Variants in LRRK2 observed in about 807,000 individuals in gnomAD.
LRRK2 encodes the protein leucine rich repeat kinase 2, also known as leucine-rich repeat serine/threonine-protein kinase 2.
A neutral mutation model predicts 302.6 loss-of-function variants in LRRK2; 203 were observed. The ratio of observed to expected loss-of-function variants is 0.67; its 90% CI spans 0.60 to 0.75. The LOEUF (loss-of-function observed/expected upper bound fraction) is 0.75. Ranked by LOEUF, LRRK2 falls within the 30% of genes least tolerant of loss-of-function variation. The pLI, the probability that LRRK2 is intolerant of heterozygous loss-of-function variation, is 0.00. For missense variants in LRRK2, 2,830 were observed against 2,951.0 expected, an observed-to-expected ratio of 0.96 and a Z score of 0.95; for synonymous variants, 1,066 against 1,031.9, an observed-to-expected ratio of 1.03 and a Z score of -0.63.
intron 2 of LRRK2, among the ~76,000 whole-genome samples, chr12:40,230,668 CTTTT>C (rs3057613): frequency 2.2e-5 from 3 of 135,296 alleles, no homozygotes; most frequent in Admixed American, 7.4e-5. Flanking sequence ...TGCACTTTCT[CTTTT>C]TTTTTTTTTT....
intron 7 of LRRK2, among the ~76,000 whole-genome samples, chr12:40,245,627 A>G (rs1941946260): frequency 6.6e-6 from 1 of 152,154 alleles, no homozygotes; most frequent in African/African-American, 2.4e-5. Context: ...AAATATGTGG[A>G]TCATTTTAAG....
In LRRK2 at chr12:40,310,437, G is replaced by A. The variant is rs281865048; in HGVS notation, c.4324G>A (p.Ala1442Thr). 5 of 1,612,942 alleles carry A rather than the reference G, an allele frequency of 3.1e-6. No homozygotes were observed. The highest frequency in any genetic ancestry group is 4.2e-6 in the Non-Finnish European group (5 of 1,179,690). Residue 1442 changes from alanine (A) to threonine (T), a missense_variant, in exon 31 of 51, where the codon GCT (alanine) becomes ACT (threonine). This residue lies in a region of LRRK2 where 2,121 missense variants were observed against 2,148.0 expected (regional missense o/e 0.99). Transcript: ENST00000298910. Reference sequence around the variant, plus strand: ...TTTGTGTCTTTCCCTCCAGGCTCGCGCTTCTTCTTCCCCTGTGATTCTCGT... The same window carrying A: ...TTTGTGTCTTTCCCTCCAGGCTCGCACTTCTTCTTCCCCTGTGATTCTCGT... ...KPWLFNIKARASSSPVILVGT... is the reference protein window; with the variant it reads ...KPWLFNIKARTSSSPVILVGT...
At chr12:40,338,176 A>G (rs1945932331) in intron 40 of LRRK2, among the ~76,000 whole-genome samples, 1 of 152,140 alleles carries the variant, frequency 6.6e-6, no homozygotes, top group African/African-American at 2.4e-5. Flanking sequence ...CTTCCCTAGC[A>G]CGTGGTACTT....
chr12:40,274,380 C>G (rs1387382170), intron 14 of LRRK2, among the ~76,000 whole-genome samples: 1 of 152,114 alleles, frequency 6.6e-6, no homozygotes, highest in Non-Finnish European at 1.5e-5. Flanking sequence ...ATGCCTGGCA[C>G]AGAACAAGCT....
chr12:40,293,484 T>A, intron 20 of LRRK2, 61 bp from the exon 21 acceptor site: 4 of 1,028,120 alleles, frequency 3.9e-6, no homozygotes, highest in South Asian at 1.3e-5. Context: ...GATAGAAGGA[T>A]CTTATGATTG....
chr12:40,311,794 G>A (rs938022015), intron 31 of LRRK2, among the ~76,000 whole-genome samples: 1 of 152,074 alleles, frequency 6.6e-6, no homozygotes, highest in Non-Finnish European at 1.5e-5. Flanking sequence ...ATTTATTACA[G>A]TTATTAAAAG....
At chr12:40,261,201 T>C (rs1942758389) in intron 13 of LRRK2, among the ~76,000 whole-genome samples, 1 of 152,166 alleles carries the variant, frequency 6.6e-6, no homozygotes, top group East Asian at 1.9e-4. Flanking sequence ...TTTTAGATTG[T>C]AATTAAAAAC....
chr12:40,325,690 T>TA (rs1172219974), intron 38 of LRRK2, among the ~76,000 whole-genome samples: 1 of 152,224 alleles, frequency 6.6e-6, no homozygotes, highest in African/African-American at 2.4e-5. Context: ...CCAGCATCTT[T>TA]ATATTAGAGT....
intron 46 of LRRK2, 82 bp from the exon 47 acceptor site, chr12:40,359,178 T>C: frequency 8.0e-7 from 1 of 1,248,182 alleles, no homozygotes; most frequent in Non-Finnish European, 1.1e-6. Context: ...GGAAAGTAGT[T>C]TTTTGAAAGC....
intron 3 of LRRK2, 115 bp from the exon 4 acceptor site, chr12:40,235,511 C>T (rs1349977074): frequency 1.4e-6 from 1 of 716,650 alleles, no homozygotes; most frequent in Non-Finnish European, 2.5e-6. Flanking sequence ...AGCTTCACTA[C>T]AGGGAATTAA....
chr12:40,361,125 G>A (rs1946692425), intron 47 of LRRK2, among the ~76,000 whole-genome samples: 1 of 151,882 alleles, frequency 6.6e-6, no homozygotes, highest in African/African-American at 2.4e-5. Flanking sequence ...CCTGGGATGG[G>A]GATCAGATTT....
intron 14 of LRRK2, among the ~76,000 whole-genome samples, chr12:40,265,213 T>C (rs1015246631): frequency 6.6e-5 from 10 of 152,106 alleles, no homozygotes; most frequent in Non-Finnish European, 7.4e-5. Context: ...TTGTTGAAAA[T>C]AAGTATATGG....
At position 40,367,861 on chromosome 12, in the gene LRRK2, T is replaced by C. The variant is rs66737902; in HGVS notation, c.*96T>C. 0.13 allele frequency: 163,199 copies of C among 1,220,566 alleles called. 11,806 individuals are homozygous for C. Among genetic ancestry groups the C allele is most frequent in the South Asian group, 0.2 (12,609 of 63,846 alleles). The allele number at this position is 1,220,566 out of a possible 1,614,324, so 75.6% of individuals were successfully genotyped here. On this transcript the variant is annotated 3_prime_UTR_variant, in exon 51 of 51. Coordinates refer to ENST00000298910, the MANE Select transcript of LRRK2 (RefSeq NM_198578.4). ...TTCACATGGAAAGGGTACTCACATTTTTTGAAATAGCTCGTGTGTATGAAG... is the reference window on the plus strand; with the variant it reads ...TTCACATGGAAAGGGTACTCACATTCTTTGAAATAGCTCGTGTGTATGAAG...
intron 40 of LRRK2, among the ~76,000 whole-genome samples, chr12:40,336,328 G>A (rs761840602): frequency 2.0e-5 from 3 of 152,162 alleles, no homozygotes; most frequent in Non-Finnish European, 4.4e-5. Flanking sequence ...TGTCCGCAAC[G>A]ACCCTTTGTC....
At position 40,340,327 on chromosome 12, in the gene LRRK2, C is replaced by T. The variant is rs1329710738; in HGVS notation, c.5982C>T (p.Asp1994=). The T allele has an allele frequency of 8.1e-6, 13 of 1,613,712 alleles. No individual in the cohort carries two copies. The East Asian group carries it at 1.6e-4, about 19-fold the overall frequency. Residue 1994 remains aspartate, a synonymous_variant, in exon 41 of 51, where the codon GAC becomes GAT. Transcript: ENST00000298910. ...ACTCAGCCATGATTATATACCGAGA[C>T]CTGAAACCCCACAATGTGCTGCTTT... is the stretch of plus-strand genomic sequence containing the variant. ...YLHSAMIIYR[D]LKPHNVLLFT... is the part of the protein sequence containing the mutation.
chr12:40,359,016 A>G (rs1415654346), intron 46 of LRRK2, among the ~76,000 whole-genome samples: 2 of 60,862 alleles, frequency 3.3e-5, no homozygotes, highest in Admixed American at 3.0e-4. Context: ...TTTTTCAGCT[A>G]CTTTGTTGTT....
Position 40,294,934 on chromosome 12 carries a change from C to T in LRRK2, c.2878+20C>T, listed in dbSNP as rs199866297. 13 of 1,397,022 alleles carry T rather than the reference C, an allele frequency of 9.3e-6. No individual in the cohort carries two copies. Among genetic ancestry groups the T allele is most frequent in the Non-Finnish European group, 1.3e-5 (13 of 991,104 alleles). 86.5% of individuals were successfully genotyped at this position (1,397,022 alleles called of 1,614,324 possible). A position where few individuals can be genotyped will look rare whatever the true frequency, so the allele number is the denominator to read the frequency against. ...CACTCAGTAAGTATTTGGATGTAATCATAAGTAAATAGATATTTTGGGCAG... is the reference window on the plus strand; with the variant it reads ...CACTCAGTAAGTATTTGGATGTAATTATAAGTAAATAGATATTTTGGGCAG... On this transcript the variant is annotated intron_variant, in intron 22 of 50. Coordinates refer to ENST00000298910, the MANE Select transcript of LRRK2 (RefSeq NM_198578.4).
chr12:40,346,254 G>C (rs1307532383), intron 41 of LRRK2, among the ~76,000 whole-genome samples: 1 of 151,936 alleles, frequency 6.6e-6, no homozygotes, highest in Non-Finnish European at 1.5e-5. Flanking sequence ...GGAGCAGAGA[G>C]ACAAGTTCAG....
chr12:40,282,009 G>GCTTCCCTTCCCTTCCCTTCCCTTCC (rs1209346052), intron 18 of LRRK2, among the ~76,000 whole-genome samples: 1 of 44,504 alleles, frequency 2.2e-5, no homozygotes, highest in African/African-American at 9.8e-5. Context: ...CTCCCTCCCC[G>GCTTCCCTTCCCTTCCCTTCCCTTCC]CTTCCCTTCC....
Sources: allele counts gnomAD v4.1 joint callset (sites outside exome capture counted in the v4.1 genomes callset), GRCh38; gene constraint gnomAD v4.1.1; regional missense constraint gnomAD v4.1.1; transcripts MANE v1.5; gene names NCBI Gene and HGNC (gene_info 2026-07-23, HGNC 2026-07-21).